Variants in EXT1 observed in about 807,000 individuals in gnomAD.
EXT1 encodes the protein exostosin-1.
A neutral mutation model predicts 82.5 loss-of-function variants in EXT1; 20 were observed. That is an observed-to-expected ratio of 0.24 (90% confidence interval 0.17 to 0.35). EXT1 has a LOEUF of 0.35. Among genes scored for constraint, EXT1 ranks in the 10% least tolerant of loss-of-function variants. The probability of loss-of-function intolerance (pLI) is 1.00; values close to 1 mark genes in which losing one functional copy is unlikely to be tolerated. For synonymous variants in EXT1, 348 were observed against 350.8 expected, an observed-to-expected ratio of 0.99 and a Z score of 0.09; for missense variants, 757 against 936.5, an observed-to-expected ratio of 0.81 and a Z score of 2.50.
chr8:117,933,716 G>A (rs1437084327), intron 1 of EXT1, among the ~76,000 whole-genome samples: 1 of 152,152 alleles, frequency 6.6e-6, no homozygotes, highest in East Asian at 1.9e-4. Flanking sequence ...ATAAACATTT[G>A]TTTAATGAAC....
chr8:117,804,125 A>G (rs1411584890), intron 10 of EXT1, among the ~76,000 whole-genome samples: 1 of 152,124 alleles, frequency 6.6e-6, no homozygotes, highest in Non-Finnish European at 1.5e-5. Flanking sequence ...CCTAATATTT[A>G]TATGTTGAAG....
chr8:117,969,874 T>C (rs556105940), intron 1 of EXT1, among the ~76,000 whole-genome samples: 11 of 152,358 alleles, frequency 7.2e-5, no homozygotes, highest in Middle Eastern at 3.4e-3. Flanking sequence ...ATCTTTTATA[T>C]TGAACGTAGG....
At chr8:118,072,419 G>C (rs1817111909) in intron 1 of EXT1, among the ~76,000 whole-genome samples, 3 of 152,120 alleles carry the variant, frequency 2.0e-5, no homozygotes, top group Admixed American at 6.5e-5. Context: ...ACATAATTTA[G>C]CATTTAATTA....
chr8:117,892,184 G>A (rs1337420348), intron 1 of EXT1, among the ~76,000 whole-genome samples: 1 of 152,184 alleles, frequency 6.6e-6, no homozygotes, highest in Non-Finnish European at 1.5e-5. Context: ...TCTGTTTCCA[G>A]TTTACCTCCT....
chr8:118,056,121 C>T (rs949431435), intron 1 of EXT1, among the ~76,000 whole-genome samples: 6 of 152,164 alleles, frequency 3.9e-5, no homozygotes, highest in Admixed American at 6.5e-5. Flanking sequence ...TAAAAGTTTA[C>T]GAATTTGTGT....
chr8:117,997,407 G>T, intron 1 of EXT1, among the ~76,000 whole-genome samples: 1 of 151,264 alleles, frequency 6.6e-6, no homozygotes, highest in Non-Finnish European at 1.5e-5. Context: ...TGTATATTTA[G>T]AGTTCTACTC....
At chr8:117,996,822 A>G (rs906049441) in intron 1 of EXT1, among the ~76,000 whole-genome samples, 1 of 152,230 alleles carries the variant, frequency 6.6e-6, no homozygotes, top group African/African-American at 2.4e-5. Flanking sequence ...AACACAATTG[A>G]ACACTCAATC....
intron 1 of EXT1, among the ~76,000 whole-genome samples, chr8:117,894,289 G>A (rs187980502): frequency 2.5e-4 from 38 of 152,046 alleles, no homozygotes; most frequent in Non-Finnish European, 4.0e-4. Flanking sequence ...TCCTTCTGCC[G>A]CAGCCTCCTG....
intron 1 of EXT1, among the ~76,000 whole-genome samples, chr8:118,032,246 A>C (rs1483271631): frequency 1.3e-5 from 2 of 151,604 alleles, no homozygotes; most frequent in Non-Finnish European, 2.9e-5. Context: ...CAGAAACAGC[A>C]GGAGCAACTC....
intron 1 of EXT1, among the ~76,000 whole-genome samples, chr8:118,090,136 A>AGTAG: frequency 6.6e-6 from 1 of 152,366 alleles, no homozygotes; most frequent in African/African-American, 2.4e-5. Flanking sequence ...AAAAGAGCCA[A>AGTAG]GTAGGCCACA....
At chr8:117,958,125 T>G (rs529998768) in intron 1 of EXT1, among the ~76,000 whole-genome samples, 3 of 152,252 alleles carry the variant, frequency 2.0e-5, no homozygotes, top group African/African-American at 7.2e-5. Context: ...CTTTTTTTTT[T>G]TAATAAGTGC....
At chr8:118,043,467 G>A (rs1299139162) in intron 1 of EXT1, among the ~76,000 whole-genome samples, 1 of 152,128 alleles carries the variant, frequency 6.6e-6, no homozygotes, top group South Asian at 2.1e-4. Flanking sequence ...ACAGACTAAT[G>A]CCATCACATG....
intron 1 of EXT1, among the ~76,000 whole-genome samples, chr8:118,039,926 T>C (rs951011330): frequency 2.7e-4 from 41 of 152,206 alleles, no homozygotes; most frequent in African/African-American, 9.9e-4. Flanking sequence ...ATTTTGACTT[T>C]GAATTTTCAT....
At chr8:117,892,389 A>ACTGCTG in intron 1 of EXT1, among the ~76,000 whole-genome samples, 1 of 152,350 alleles carries the variant, frequency 6.6e-6, no homozygotes, top group East Asian at 1.9e-4. Flanking sequence ...TGGTAAGAAA[A>ACTGCTG]CTGCTGCTAC....
intron 1 of EXT1, among the ~76,000 whole-genome samples, chr8:118,039,354 G>A (rs1816484189): frequency 6.6e-6 from 1 of 152,194 alleles, no homozygotes. Flanking sequence ...GAGGTTGGGA[G>A]TTCAAGACCA....
At chr8:118,028,027 G>A (rs1352639548) in intron 1 of EXT1, among the ~76,000 whole-genome samples, 2 of 152,200 alleles carry the variant, frequency 1.3e-5, no homozygotes, top group Non-Finnish European at 2.9e-5. Flanking sequence ...TTGCCAAAAT[G>A]AGTTTTCACC....
rs1000344497 is a variant in EXT1, at chr8:117,797,747, T to C, written c.*1965A>G. 4 of 152,308 alleles carry C rather than the reference T, an allele frequency of 2.6e-5. No individual in the cohort carries two copies. The East Asian group carries it at 5.8e-4, about 22-fold the overall frequency. 9.4% of individuals were successfully genotyped at this position (152,308 alleles called of 1,614,324 possible). A position where few individuals can be genotyped will look rare whatever the true frequency, so the allele number is the denominator to read the frequency against. On this transcript the variant is annotated 3_prime_UTR_variant, in exon 11 of 11. Transcript: ENST00000378204. ...AGAAAAGACACAAGTGCAAGCACCA[T>C]GGACCTAAGAATTATTTTTCAACAA... is the stretch of plus-strand genomic sequence containing the variant.
At chr8:117,934,295 C>A (rs1306873067) in intron 1 of EXT1, among the ~76,000 whole-genome samples, 1 of 151,966 alleles carries the variant, frequency 6.6e-6, no homozygotes, top group Non-Finnish European at 1.5e-5. Flanking sequence ...TCAGGAACAG[C>A]ATGGACGAAG....
intron 1 of EXT1, among the ~76,000 whole-genome samples, chr8:117,925,185 C>T (rs1813929554): frequency 6.6e-6 from 1 of 152,176 alleles, no homozygotes; most frequent in Non-Finnish European, 1.5e-5. Context: ...TATGGTGTCA[C>T]TGTCCCTCAC....
Sources: gnomAD v4.1 joint callset for allele counts (sites outside exome capture counted in the v4.1 genomes callset) on GRCh38, gnomAD v4.1.1 for gene constraint, MANE v1.5 for transcripts, NCBI Gene and HGNC (gene_info 2026-07-23, HGNC 2026-07-21) for gene names.